RAPGEF4: variants seen among roughly 807,000 people sequenced by gnomAD.
The protein encoded by RAPGEF4 is Rap guanine nucleotide exchange factor 4.
In RAPGEF4, 66 loss-of-function variants were observed where a neutral mutation model predicts 147.9. The observed-to-expected ratio is 0.45, with a 90% CI of 0.37 to 0.55. The LOEUF is 0.55. Ranked by LOEUF, RAPGEF4 falls within the 20% of genes least tolerant of loss-of-function variation. The pLI is 0.00. For synonymous variants in RAPGEF4, 419 were observed against 442.7 expected (o/e 0.95, Z 0.67); for missense variants, 1,071 against 1,257.3 (o/e 0.85, Z 2.24).
chr2:172,853,600 T>A (rs993289257), intron 4 of RAPGEF4, among the ~76,000 whole-genome samples: 1 of 152,000 alleles, frequency 6.6e-6, no homozygotes. Context: ...TTGTTCTTTT[T>A]TTTTCTAGCT....
At chr2:172,946,159 A>C (rs570721298) in intron 6 of RAPGEF4, among the ~76,000 whole-genome samples, 11 of 152,354 alleles carry the variant, frequency 7.2e-5, no homozygotes, top group African/African-American at 2.6e-4. Flanking sequence ...CAACATGTAA[A>C]ATTGCTTATG....
intron 4 of RAPGEF4, among the ~76,000 whole-genome samples, chr2:172,885,710 A>G (rs913217834): frequency 6.6e-6 from 1 of 152,156 alleles, no homozygotes. Context: ...TGATTCAATT[A>G]TCTCTCACTG....
intron 3 of RAPGEF4, among the ~76,000 whole-genome samples, chr2:172,805,018 A>T (rs1574895699): frequency 6.6e-6 from 1 of 152,168 alleles, no homozygotes; most frequent in African/African-American, 2.4e-5. Context: ...GCCTTACCCC[A>T]TGGGTCTTCT....
At chr2:173,036,567 T>A (rs1407943198) in intron 28 of RAPGEF4, 61 bp from the exon 29 acceptor site, 1 of 1,296,496 alleles carries the variant, frequency 7.7e-7, no homozygotes. Flanking sequence ...GGTGCTATTG[T>A]GCTTTCTTAG....
At chr2:172,882,974 T>G (rs925252085) in intron 4 of RAPGEF4, among the ~76,000 whole-genome samples, 1 of 152,214 alleles carries the variant, frequency 6.6e-6, no homozygotes, top group Non-Finnish European at 1.5e-5. Flanking sequence ...CATTAAATTT[T>G]AAATTTGTTC....
intron 17 of RAPGEF4, among the ~76,000 whole-genome samples, chr2:173,007,962 G>A (rs759220495): frequency 1.3e-5 from 2 of 152,098 alleles, no homozygotes; most frequent in African/African-American, 4.8e-5. Flanking sequence ...TATATGATAC[G>A]GTCTGGCTCT....
chr2:172,786,050 C>T (rs1685162656), intron 1 of RAPGEF4, among the ~76,000 whole-genome samples: 1 of 152,184 alleles, frequency 6.6e-6, no homozygotes, highest in South Asian at 2.1e-4. Context: ...TGTTCTTTCC[C>T]ACAAATGCCT....
chr2:172,988,092 G>T (rs141701889), intron 12 of RAPGEF4, 104 bp from the exon 13 acceptor site: 2 of 1,396,806 alleles, frequency 1.4e-6, no homozygotes, highest in Admixed American at 3.3e-5. Context: ...CGAATTTTAC[G>T]TATGCATATT....
chr2:172,788,949 G>T (rs1181572189), intron 1 of RAPGEF4, among the ~76,000 whole-genome samples: 1 of 152,030 alleles, frequency 6.6e-6, no homozygotes, highest in African/African-American at 2.4e-5. Flanking sequence ...TCTTTCTGGA[G>T]CTCAGTTGAC....
At chr2:172,942,302 T>G (rs1247057153) in intron 6 of RAPGEF4, among the ~76,000 whole-genome samples, 2 of 151,100 alleles carry the variant, frequency 1.3e-5, no homozygotes, top group Non-Finnish European at 3.0e-5. Flanking sequence ...CTCAAAAACT[T>G]CTGGTAATAT....
At chr2:173,026,214 A>T (rs1359989575) in intron 23 of RAPGEF4, among the ~76,000 whole-genome samples, 1 of 152,230 alleles carries the variant, frequency 6.6e-6, no homozygotes, top group Non-Finnish European at 1.5e-5. Flanking sequence ...GAGAAATAGG[A>T]GAAAAAAGGT....
In RAPGEF4 at chr2:173,035,053, T is replaced by TTTA. The variant is rs532386527; in HGVS notation, c.2701-1057_2701-1055dup. Among the ~76,000 whole-genome samples the TTTA allele has an allele frequency of 3.3e-4, 50 of 151,948 alleles. No homozygotes were observed. In the South Asian group the frequency reaches 7.7e-3, roughly 23 times the overall value. ...GCAGTAGAAATATTGAGTATAACTT[T>TTTA]TTATTATTATTATTATTTTGAGTCT... On this transcript the variant is annotated intron_variant, in intron 27 of 30. Transcript: ENST00000397081.
rs141183883 is a variant in RAPGEF4, at chr2:172,921,083, G to T, written c.518-1198G>T. Among the ~76,000 whole-genome samples the T allele has an allele frequency of 9.9e-5, 15 of 152,004 alleles. No individual in the cohort carries two copies. In the East Asian group the frequency reaches 2.9e-3, roughly 29 times the overall value. On this transcript the variant is annotated intron_variant, in intron 5 of 30. Transcript: ENST00000397081. ...TCTGTACTACTGCCTACTAGGATGA[G>T]CACTCAGGTTTTTTGCTTTTTTGTT...
chr2:173,013,754 C>A (rs1695243866), intron 17 of RAPGEF4, among the ~76,000 whole-genome samples: 1 of 152,090 alleles, frequency 6.6e-6, no homozygotes, highest in Non-Finnish European at 1.5e-5. Flanking sequence ...GACAAATGAC[C>A]ATCATCCCAA....
At chr2:173,048,473 A>T in intron 29 of RAPGEF4, 127 bp from the exon 30 acceptor site, 22 of 1,457,168 alleles carry the variant, frequency 1.5e-5, no homozygotes, top group Non-Finnish European at 2.0e-5. Flanking sequence ...GCCTTCAGAT[A>T]GTCAACATCT....
At chr2:172,752,741 C>T (rs1239924701) in intron 1 of RAPGEF4, among the ~76,000 whole-genome samples, 2 of 152,202 alleles carry the variant, frequency 1.3e-5, no homozygotes, top group East Asian at 3.8e-4. Flanking sequence ...CATAATGAGG[C>T]AGCTTCATCT....
At chr2:172,913,186 G>A (rs1683644273) in intron 4 of RAPGEF4, among the ~76,000 whole-genome samples, 1 of 152,028 alleles carries the variant, frequency 6.6e-6, no homozygotes. Context: ...ATGAGCCACT[G>A]CGCCCAGCCC....
chr2:172,956,321 G>A (rs1032536160), intron 6 of RAPGEF4, among the ~76,000 whole-genome samples: 4 of 152,080 alleles, frequency 2.6e-5, no homozygotes, highest in Admixed American at 1.3e-4. Context: ...AACACTTCCC[G>A]CATTAAATTC....
At position 173,025,822 on chromosome 2, in the gene RAPGEF4, A is replaced by G. The variant is rs961800076; in HGVS notation, c.2254-750A>G. Among the ~76,000 whole-genome samples, 13 of 152,298 alleles carry G rather than the reference A, an allele frequency of 8.5e-5. No individual in the cohort carries two copies. The East Asian group carries it at 2.3e-3, about 27-fold the overall frequency. The stretch of plus-strand genomic sequence containing the variant: ...CTATTGCATTATACGTGTGCTTCCT[A>G]TATATGCATATCATTCATCTCACTA... On this transcript the variant is annotated intron_variant, in intron 23 of 30. Coordinates refer to ENST00000397081, the MANE Select transcript of RAPGEF4 (RefSeq NM_007023.4).
Sources: gnomAD v4.1 joint callset for allele counts (sites outside exome capture counted in the v4.1 genomes callset) on GRCh38, gnomAD v4.1.1 for gene constraint, MANE v1.5 for transcripts, NCBI Gene and HGNC (gene_info 2026-07-23, HGNC 2026-07-21) for gene names.